BZW2: variants seen among roughly 807,000 people sequenced by gnomAD.
The protein encoded by BZW2 is basic leucine zipper and W2 domains 2, also known as eIF5-mimic protein 1.
Under a neutral mutation model 53.2 loss-of-function variants are expected in BZW2, and 23 were observed. The observed-to-expected ratio is 0.43, with a 90% CI of 0.31 to 0.61. The LOEUF (loss-of-function observed/expected upper bound fraction) is 0.61. Among genes scored for constraint, BZW2 ranks in the 20% least tolerant of loss-of-function variants. The probability of loss-of-function intolerance (pLI) is 0.09; values close to 1 mark genes in which losing one functional copy is unlikely to be tolerated. For synonymous variants in BZW2, 227 were observed against 186.4 expected, an observed-to-expected ratio of 1.22 and a Z score of -1.77; for missense variants, 409 against 503.1, an observed-to-expected ratio of 0.81 and a Z score of 1.79.
intron 1 of BZW2, among the ~76,000 whole-genome samples, chr7:16,649,087 C>T (rs1447408804): frequency 3.3e-5 from 5 of 152,056 alleles, no homozygotes; most frequent in South Asian, 2.1e-4. Context: ...CCTCTTTTAC[C>T]GCCCCCCTAA....
chr7:16,667,408 A>G (rs1278895041), intron 2 of BZW2, among the ~76,000 whole-genome samples: 1 of 152,252 alleles, frequency 6.6e-6, no homozygotes, highest in Non-Finnish European at 1.5e-5. Context: ...TATTTAAGGA[A>G]GTATGTATAA....
chr7:16,654,704 GTT>G (rs34037406), intron 1 of BZW2, among the ~76,000 whole-genome samples: 48 of 141,322 alleles, frequency 3.4e-4, no homozygotes, highest in East Asian at 6.3e-4. Flanking sequence ...CTGGCTAATT[GTT>G]TTTTTTTTTT....
At chr7:16,703,004 A>T (rs1165904243) in intron 10 of BZW2, among the ~76,000 whole-genome samples, 1 of 152,242 alleles carries the variant, frequency 6.6e-6, no homozygotes, top group East Asian at 1.9e-4. Flanking sequence ...AGGGTCTTTT[A>T]AAATCCCTGT....
intron 3 of BZW2, among the ~76,000 whole-genome samples, chr7:16,680,432 G>T (rs1407898548): frequency 6.6e-6 from 1 of 152,160 alleles, no homozygotes; most frequent in African/African-American, 2.4e-5. Flanking sequence ...TGTAGTGAAG[G>T]CAAGGATGTG....
intron 5 of BZW2, among the ~76,000 whole-genome samples, chr7:16,683,277 CAT>C (rs775828856): frequency 5.3e-5 from 8 of 152,146 alleles, no homozygotes; most frequent in Non-Finnish European, 1.2e-4. Flanking sequence ...ATGTGAAACA[CAT>C]AGTGAGTTTT....
At chr7:16,670,413 T>C (rs1782565631) in intron 2 of BZW2, among the ~76,000 whole-genome samples, 1 of 152,194 alleles carries the variant, frequency 6.6e-6, no homozygotes, top group African/African-American at 2.4e-5. Flanking sequence ...ATGCCTCCAT[T>C]TGTAATTTTC....
chr7:16,672,169 C>G (rs889305763), intron 2 of BZW2, among the ~76,000 whole-genome samples: 1 of 152,042 alleles, frequency 6.6e-6, no homozygotes, highest in African/African-American at 2.4e-5. Context: ...CACTTTCAGT[C>G]TTTGTGCTGG....
intron 1 of BZW2, among the ~76,000 whole-genome samples, chr7:16,662,612 AT>A (rs1782299839): frequency 6.6e-6 from 1 of 150,590 alleles, no homozygotes; most frequent in African/African-American, 2.4e-5. Context: ...AATTTTTGAA[AT>A]TACAAATTAA....
At chr7:16,654,832 C>T (rs1240770811) in intron 1 of BZW2, among the ~76,000 whole-genome samples, 2 of 152,098 alleles carry the variant, frequency 1.3e-5, no homozygotes, top group African/African-American at 2.4e-5. Flanking sequence ...AGCCACCGTG[C>T]CCAGCCTGTA....
intron 2 of BZW2, among the ~76,000 whole-genome samples, chr7:16,666,471 C>G (rs1275208608): frequency 6.6e-6 from 1 of 151,270 alleles, no homozygotes; most frequent in African/African-American, 2.4e-5. Flanking sequence ...GGCGCCATCT[C>G]GGCTCACTGC....
Position 16,689,896 on chromosome 7 carries a change from A to ACT in BZW2, c.641_642insCT (p.Lys214AsnfsTer2), listed in dbSNP as rs773230749. On this transcript the variant is annotated frameshift_variant, in exon 7 of 12. Transcript: ENST00000258761. LOFTEE classifies it high-confidence loss of function. Reference sequence around the variant, plus strand: ...TCTTTGAGAAAAGCCAACTTAGACAAGAGGCTGCTTGTAAGTGTTTTCTGG... The same window carrying ACT: ...TCTTTGAGAAAAGCCAACTTAGACAACTGAGGCTGCTTGTAAGTGTTTTCTGG... 6.2e-7 allele frequency: 1 copy of ACT among 1,610,142 alleles called. No individual in the cohort carries two copies. The highest frequency in any genetic ancestry group is 8.5e-7 in the Non-Finnish European group (1 of 1,177,974).
intron 3 of BZW2, among the ~76,000 whole-genome samples, chr7:16,679,791 A>G (rs561103293): frequency 1.1e-4 from 17 of 152,368 alleles, no homozygotes; most frequent in African/African-American, 3.8e-4. Flanking sequence ...CACTAGAAAC[A>G]TTTGTTGTGT....
Position 16,665,483 on chromosome 7 carries a change from T to C in BZW2, c.40T>C (p.Phe14Leu), listed in dbSNP as rs1394568442. The stretch of plus-strand genomic sequence containing the variant: ...GAAGCCAGTGCTAACAGGCCAGCGG[T>C]TCAAAACTCGGAAAAGGGGTAGGTT... ...HQKPVLTGQR[F>L]KTRKRDEKEK... The change falls in exon 2 of 12, where the codon TTC becomes CTC. Residue 14 changes from phenylalanine (F) to leucine (L), a missense_variant. Physicochemically the swap from Phe to Leu is conservative, Grantham distance 22. Transcript: ENST00000258761. 1 of 1,613,934 alleles carries C rather than the reference T, an allele frequency of 6.2e-7. No homozygotes were observed. Among genetic ancestry groups the C allele is most frequent in the Admixed American group, 1.7e-5 (1 of 59,988 alleles).
chr7:16,706,167 C>A lies in BZW2; in HGVS notation c.*79C>A. Reference sequence around the variant, plus strand: ...ATGCTGAACCATTTGAGAAGAGAAACTTGGCTTCTGTTTTCGCAAAGGAAA... The same window carrying A: ...ATGCTGAACCATTTGAGAAGAGAAAATTGGCTTCTGTTTTCGCAAAGGAAA... On this transcript the variant is annotated 3_prime_UTR_variant, in exon 12 of 12. Transcript: ENST00000258761. 1 of 1,486,990 alleles carries A rather than the reference C, an allele frequency of 6.7e-7. No homozygotes were observed. Among genetic ancestry groups the A allele is most frequent in the Non-Finnish European group, 9.2e-7 (1 of 1,083,624 alleles). The allele number at this position is 1,486,990 out of a possible 1,614,324, so 92.1% of individuals were successfully genotyped here. A position where few individuals can be genotyped will look rare whatever the true frequency, so the allele number is the denominator to read the frequency against.
intron 1 of BZW2, among the ~76,000 whole-genome samples, chr7:16,664,171 A>T (rs896396299): frequency 1.3e-5 from 2 of 152,246 alleles, no homozygotes; most frequent in Non-Finnish European, 2.9e-5. Context: ...TTATATGTTT[A>T]TACTTTGCTC....
chr7:16,680,981 G>T (rs1181896211), intron 3 of BZW2, among the ~76,000 whole-genome samples: 1 of 152,082 alleles, frequency 6.6e-6, no homozygotes, highest in East Asian at 1.9e-4. Flanking sequence ...GTGCATGCCT[G>T]TAATCCCAGC....
chr7:16,669,846 C>A (rs894004569), intron 2 of BZW2, among the ~76,000 whole-genome samples: 6 of 152,188 alleles, frequency 3.9e-5, no homozygotes. Context: ...CTAATTATAT[C>A]CTTCTCACTT....
intron 1 of BZW2, among the ~76,000 whole-genome samples, chr7:16,650,385 A>G (rs145431257): frequency 6.8e-4 from 104 of 152,160 alleles, no homozygotes; most frequent in African/African-American, 2.4e-3. Context: ...TCATAATCCA[A>G]CTCAGAAGGC....
chr7:16,667,997 G>A (rs1477441903), intron 2 of BZW2, among the ~76,000 whole-genome samples: 1 of 152,168 alleles, frequency 6.6e-6, no homozygotes, highest in African/African-American at 2.4e-5. Context: ...GATTTTAAAA[G>A]GATTTATCAG....
Sources: gnomAD v4.1 joint callset for allele counts (sites outside exome capture counted in the v4.1 genomes callset) on GRCh38, gnomAD v4.1.1 for gene constraint, MANE v1.5 for transcripts, NCBI Gene and HGNC (gene_info 2026-07-23, HGNC 2026-07-21) for gene names.